P2RX7: variants seen among roughly 807,000 people sequenced by gnomAD.
P2RX7 encodes P2X purinoceptor 7.
P2RX7 carries 62 observed loss-of-function variants against 71.6 expected under a neutral mutation model. That is an observed-to-expected ratio of 0.87 (90% CI 0.71 to 1.07). P2RX7 has a LOEUF of 1.07. Among genes scored for constraint, P2RX7 ranks in the 50% least tolerant of loss-of-function variants. The pLI is 0.00. For synonymous variants in P2RX7, 299 were observed against 283.3 expected (o/e 1.06, Z -0.56); for missense variants, 686 against 748.5 (o/e 0.92, Z 0.97).
At chr12:121,159,888 C>A (rs1879300153) in intron 3 of P2RX7, among the ~76,000 whole-genome samples, 1 of 152,120 alleles carries the variant, frequency 6.6e-6, no homozygotes, top group Non-Finnish European at 1.5e-5. Flanking sequence ...AGCCACCTGT[C>A]CCCCATCCCA....
At position 121,138,027 on chromosome 12, in the gene P2RX7, G is replaced by A. The variant is rs144847890; in HGVS notation, c.125+4932G>A. 7.6e-3 allele frequency among the ~76,000 whole-genome samples: 1,156 copies of A among 152,358 alleles called. 11 individuals are homozygous for A. The highest frequency in any genetic ancestry group is 0.014 in the Middle Eastern group (4 of 294). On this transcript the variant is annotated intron_variant, in intron 1 of 12. Coordinates refer to ENST00000328963, the MANE Select transcript of P2RX7 (RefSeq NM_002562.6). ...TTCAAAGGCAGGGATGCAGCTACAA[G>A]AGGAGTTTGTGTTGGAGGTCTGTGT...
intron 5 of P2RX7, among the ~76,000 whole-genome samples, chr12:121,164,328 G>A (rs77069950): frequency 3.3e-5 from 5 of 152,160 alleles, no homozygotes; most frequent in East Asian, 1.9e-4. Flanking sequence ...TATTTCATAC[G>A]TAACTACGCA....
intron 1 of P2RX7, among the ~76,000 whole-genome samples, chr12:121,142,793 A>G (rs1435641027): frequency 6.6e-6 from 1 of 152,072 alleles, no homozygotes; most frequent in Non-Finnish European, 1.5e-5. Flanking sequence ...CGCCATCTCA[A>G]AATCGTTAAC....
chr12:121,152,263 G>C (rs1877606656), intron 1 of P2RX7, among the ~76,000 whole-genome samples: 2 of 152,276 alleles, frequency 1.3e-5, no homozygotes, highest in East Asian at 3.9e-4. Flanking sequence ...TTACAGGTGT[G>C]AGACACTATG....
chr12:121,184,221 G>GT, intron 12 of P2RX7, 84 bp from the exon 13 acceptor site: 1 of 1,443,476 alleles, frequency 6.9e-7, no homozygotes, highest in Non-Finnish European at 9.2e-7. Flanking sequence ...AATATTAAAC[G>GT]TAACTTTATA....
chr12:121,170,696 C>A (rs989242960), intron 8 of P2RX7, among the ~76,000 whole-genome samples: 1 of 152,084 alleles, frequency 6.6e-6, no homozygotes, highest in South Asian at 2.1e-4. Context: ...ACTGCTTGAA[C>A]CCGGAAGGTG....
At chr12:121,170,263 T>A (rs985405373) in intron 8 of P2RX7, among the ~76,000 whole-genome samples, 1 of 152,066 alleles carries the variant, frequency 6.6e-6, no homozygotes, top group African/African-American at 2.4e-5. Flanking sequence ...TTCCAGGGTG[T>A]TTTTTTAGCT....
chr12:121,150,203 C>G (rs1020560476), intron 1 of P2RX7, among the ~76,000 whole-genome samples: 3 of 152,206 alleles, frequency 2.0e-5, no homozygotes, highest in African/African-American at 7.2e-5. Context: ...TGCAAACTCG[C>G]TTTCATTCCC....
intron 1 of P2RX7, among the ~76,000 whole-genome samples, chr12:121,144,670 G>T (rs1875750579): frequency 6.6e-6 from 1 of 152,206 alleles, no homozygotes; most frequent in East Asian, 1.9e-4. Flanking sequence ...GAGACTGGAG[G>T]AAGGGAGGGC....
At chr12:121,142,129 G>A (rs193082900) in intron 1 of P2RX7, among the ~76,000 whole-genome samples, 2 of 152,344 alleles carry the variant, frequency 1.3e-5, no homozygotes, top group Admixed American at 1.3e-4. Flanking sequence ...CCTATGGAAT[G>A]AGGGGTGTCT....
intron 1 of P2RX7, among the ~76,000 whole-genome samples, chr12:121,150,751 AT>A (rs1877210651): frequency 1.3e-5 from 2 of 152,210 alleles, no homozygotes; most frequent in Non-Finnish European, 2.9e-5. Context: ...TTTACTAAAA[AT>A]ACAAAAATTA....
intron 4 of P2RX7, 76 bp from the exon 5 acceptor site, chr12:121,162,348 A>G: frequency 6.3e-7 from 1 of 1,578,536 alleles, no homozygotes; most frequent in Non-Finnish European, 8.6e-7. Flanking sequence ...GGTTGAGTTA[A>G]TGATGTCCCT....
At chr12:121,177,006 C>T in intron 9 of P2RX7, 141 bp from the exon 10 acceptor site, 1 of 706,274 alleles carries the variant, frequency 1.4e-6, no homozygotes, top group Non-Finnish European at 2.5e-6. Context: ...TGCGTAGTCT[C>T]TGCCTCAGCC....
rs1401364408 is a variant in P2RX7, at chr12:121,167,550, C to G, written c.807C>G (p.Cys269Trp). 1 of 1,613,562 alleles carries G rather than the reference C, an allele frequency of 6.2e-7. No individual in the cohort carries two copies. Among genetic ancestry groups the G allele is most frequent in the East Asian group, 2.2e-5 (1 of 44,828 alleles). Residue 269 changes from cysteine to tryptophan, a missense_variant, in exon 8 of 13, where the codon TGC becomes TGG. Transcript: ENST00000328963. ...ACCTAGACCGTTGGTTCCATCACTG[C>G]CGTCCCAAATACAGTTTCCGTCGCC... The part of the protein sequence containing the change: ...DCNLDRWFHH[C>W]RPKYSFRRLD...
chr12:121,134,695 T>A (rs1873168590), intron 1 of P2RX7, among the ~76,000 whole-genome samples: 1 of 152,086 alleles, frequency 6.6e-6, no homozygotes. Flanking sequence ...CCCGGCTGAT[T>A]GTCTGTCTTT....
chr12:121,136,607 C>T (rs35076950), intron 1 of P2RX7, among the ~76,000 whole-genome samples: 7,609 of 149,302 alleles, frequency 0.051, 220 homozygotes, highest in South Asian at 0.08. Context: ...TAGGCATGAG[C>T]CACTTTGTCT....
chr12:121,179,461 T>C (rs996843871), intron 11 of P2RX7, among the ~76,000 whole-genome samples: 6 of 150,326 alleles, frequency 4.0e-5, no homozygotes, highest in African/African-American at 1.5e-4. Context: ...GATTGCGCCA[T>C]TGCACTCCAG....
At position 121,185,083 on chromosome 12, in the gene P2RX7, C is replaced by CAAA. The variant is rs375969132; in HGVS notation, c.*291_*293dup. 13,259 of 211,210 alleles carry CAAA rather than the reference C, an allele frequency of 0.063. 402 individuals carry two copies. Among genetic ancestry groups the CAAA allele is most frequent in the Middle Eastern group, 0.08 (45 of 566 alleles). The allele number at this position is 211,210 out of a possible 1,614,324, so 13.1% of individuals were successfully genotyped here. Reference sequence around the variant, plus strand: ...CTGGGAGGCACAGCAAACTGTCCCCCAAAAAAAAAAAAGAGTCCTTACCAA... The same window carrying CAAA: ...CTGGGAGGCACAGCAAACTGTCCCCCAAAAAAAAAAAAAAAGAGTCCTTACCAA... On this transcript the variant is annotated 3_prime_UTR_variant, in exon 13 of 13. Coordinates refer to ENST00000328963, the MANE Select transcript of P2RX7 (RefSeq NM_002562.6).
chr12:121,159,385 C>G lies in P2RX7; in HGVS notation c.364-1517C>G, dbSNP rs1879183447. Reference sequence around the variant, plus strand: ...TGAGCCAAGATCACACCATTGCACTCTAGCCTGGTCGACAGAGCAAGACTC... The same window carrying G: ...TGAGCCAAGATCACACCATTGCACTGTAGCCTGGTCGACAGAGCAAGACTC... On this transcript the variant is annotated intron_variant, in intron 3 of 12. Transcript: ENST00000328963. 2.2e-5 allele frequency among the ~76,000 whole-genome samples: 3 copies of G among 134,914 alleles called. No homozygotes were observed. The South Asian group carries it at 7.1e-4, about 32-fold the overall frequency. The allele number at this position is 134,914 out of a possible 152,430, so 88.5% of individuals were successfully genotyped here.
Sources: allele counts gnomAD v4.1 joint callset (sites outside exome capture counted in the v4.1 genomes callset), GRCh38; gene constraint gnomAD v4.1.1; transcripts MANE v1.5; gene names NCBI Gene and HGNC (gene_info 2026-07-23, HGNC 2026-07-21).